The following GDPD5 variants were observed in gnomAD, a reference collection of about 807,000 sequenced individuals.
The protein encoded by GDPD5 is glycerophosphodiester phosphodiesterase 2.
A neutral mutation model predicts 75.1 loss-of-function variants in GDPD5; 48 were observed. The observed-to-expected ratio is 0.64, with a 90% CI of 0.51 to 0.81. The LOEUF is 0.81. Among genes scored for constraint, GDPD5 ranks in the 40% least tolerant of loss-of-function variants. The pLI is 0.00. For synonymous variants in GDPD5, 336 were observed against 339.0 expected (o/e 0.99, Z 0.10); for missense variants, 706 against 822.6 (o/e 0.86, Z 1.73).
Position 75,435,646 on chromosome 11 carries a change from T to C in GDPD5, c.1679A>G (p.Asp560Gly). The change falls in exon 17 of 17, where the codon GAT becomes GGT. Residue 560 changes from aspartate to glycine, a missense_variant. Asp to Gly is a moderately conservative substitution (Grantham distance 94). Transcript: ENST00000336898. ...KEKLIFSEIS[D>G]GVEVSDVLSV... ...GAGCACATCGGAGACCTCTACACCA[T>C]CGCTGATCTCTGCTGGGCCAGAGGG... 1.2e-6 allele frequency: 2 copies of C among 1,606,748 alleles called. No individual in the cohort carries two copies. The highest frequency in any genetic ancestry group is 1.1e-5 in the South Asian group (1 of 89,992).
At chr11:75,493,075 A>G (rs1341889170) in intron 1 of GDPD5, among the ~76,000 whole-genome samples, 1 of 152,184 alleles carries the variant, frequency 6.6e-6, no homozygotes, top group African/African-American at 2.4e-5. Flanking sequence ...GAGTGAAACG[A>G]ACGAGTAAAT....
chr11:75,499,699 C>T (rs1193331601), intron 1 of GDPD5, among the ~76,000 whole-genome samples: 1 of 151,936 alleles, frequency 6.6e-6, no homozygotes, highest in Non-Finnish European at 1.5e-5. Context: ...TAGGCTAGAC[C>T]CAAAGGAAGA....
intron 4 of GDPD5, among the ~76,000 whole-genome samples, chr11:75,458,758 G>A (rs192045414): frequency 2.0e-5 from 3 of 152,182 alleles, no homozygotes; most frequent in Admixed American, 6.5e-5. Flanking sequence ...GAGGTGAGAT[G>A]CATGGTAACT....
rs1949316622 is a variant in GDPD5, at chr11:75,457,761, A to C, written c.247T>G (p.Trp83Gly). The change falls in exon 5 of 17, where the codon TGG becomes GGG. Residue 83 changes from tryptophan to glycine, a missense_variant. Trp to Gly is a radical substitution (Grantham distance 184). Transcript: ENST00000336898. Reference protein sequence around the residue: ...NWYLYNRMGYWSDWPVPILVT... With the variant: ...NWYLYNRMGYGSDWPVPILVT... ...AGGATGGGTACGGGCCAGTCGCTCC[A>C]GTAGCCCATGCGGTTGTAGAGGTAC... The C allele has an allele frequency of 5.0e-6, 8 of 1,614,074 alleles. No homozygotes were observed. The East Asian group carries it at 1.8e-4, about 36-fold the overall frequency.
At chr11:75,449,186 A>AC in intron 8 of GDPD5, 64 bp from the exon 9 acceptor site, 1 of 1,511,932 alleles carries the variant, frequency 6.6e-7, no homozygotes, top group Non-Finnish European at 8.8e-7. Context: ...GCAATGCTGG[A>AC]CCCCTCTACC....
Position 75,443,196 on chromosome 11 carries a change from AGGCCTGCG to A in GDPD5, c.880_887del (p.Arg294CysfsTer5). 1 of 1,604,988 alleles carries A rather than the reference AGGCCTGCG, an allele frequency of 6.2e-7. No homozygotes were observed. The highest frequency in any genetic ancestry group is 8.5e-7 in the Non-Finnish European group (1 of 1,176,380). The stretch of plus-strand genomic sequence containing the variant: ...GGGTGGTCCAGTTAAGCATGGAGGC[AGGCCTGCG>A]GGCCAGCTCCGGGAACTCCTCCTCC... On this transcript the variant is annotated frameshift_variant, in exon 11 of 17. Coordinates refer to ENST00000336898, the MANE Select transcript of GDPD5 (RefSeq NM_030792.8). LOFTEE classifies it high-confidence loss of function.
intron 15 of GDPD5, among the ~76,000 whole-genome samples, chr11:75,439,616 C>T (rs960431340): frequency 6.6e-6 from 1 of 152,182 alleles, no homozygotes; most frequent in Admixed American, 6.5e-5. Context: ...GCAGGCCAGC[C>T]CGGTGAGGAG....
chr11:75,498,329 TC>T (rs1385620491), intron 1 of GDPD5, among the ~76,000 whole-genome samples: 2 of 152,106 alleles, frequency 1.3e-5, no homozygotes, highest in African/African-American at 2.4e-5. Flanking sequence ...CAACGCAAGT[TC>T]CCCCAAGTGA....
chr11:75,498,257 T>C (rs1035753860), intron 1 of GDPD5, among the ~76,000 whole-genome samples: 1 of 152,216 alleles, frequency 6.6e-6, no homozygotes, highest in Non-Finnish European at 1.5e-5. Flanking sequence ...GTCAGAGTCT[T>C]AGGATTTAGT....
chr11:75,457,770 T>C lies in GDPD5; in HGVS notation c.238A>G (p.Met80Val), dbSNP rs1949316866. ...DEFNWYLYNR[M>V]GYWSDWPVPI... Reference sequence around the variant, plus strand: ...ACGGGCCAGTCGCTCCAGTAGCCCATGCGGTTGTAGAGGTACCTGCCAGGA... The same window carrying C: ...ACGGGCCAGTCGCTCCAGTAGCCCACGCGGTTGTAGAGGTACCTGCCAGGA... Residue 80 changes from methionine to valine, a missense_variant, in exon 5 of 17, where the codon ATG becomes GTG. Met to Val is a conservative substitution (Grantham distance 21). Transcript: ENST00000336898. 1 of 1,613,980 alleles carries C rather than the reference T, an allele frequency of 6.2e-7. No individual in the cohort carries two copies. Among genetic ancestry groups the C allele is most frequent in the Non-Finnish European group, 8.5e-7 (1 of 1,179,920 alleles).
At chr11:75,493,229 TCACACACACA>T (rs71036055) in intron 1 of GDPD5, among the ~76,000 whole-genome samples, 4 of 140,902 alleles carry the variant, frequency 2.8e-5, no homozygotes, top group Admixed American at 7.1e-5. Flanking sequence ...CCCACACATC[TCACACACACA>T]CACACACACA....
At chr11:75,468,287 C>T (rs1006119425) in intron 3 of GDPD5, among the ~76,000 whole-genome samples, 1 of 152,228 alleles carries the variant, frequency 6.6e-6, no homozygotes, top group African/African-American at 2.4e-5. Flanking sequence ...AATCGCAGAG[C>T]TCCCCTGCCT....
At chr11:75,435,935 T>C (rs1226884541) in intron 16 of GDPD5, among the ~76,000 whole-genome samples, 1 of 152,194 alleles carries the variant, frequency 6.6e-6, no homozygotes, top group Non-Finnish European at 1.5e-5. Context: ...CTCAGGGCCT[T>C]TGCATGTGTC....
In GDPD5 at chr11:75,442,354, G is replaced by C; in HGVS notation, c.1167+9C>G. On this transcript the variant is annotated intron_variant, in intron 12 of 16. Transcript: ENST00000336898. ...CTCCCGGGGGCAGAGCTGCGTTGCA[G>C]GGCCTCACCTGGTGCTGGGGGAAGC... 1.3e-6 allele frequency: 2 copies of C among 1,544,094 alleles called. No individual in the cohort carries two copies. The highest frequency in any genetic ancestry group is 1.7e-6 in the Non-Finnish European group (2 of 1,143,062).
chr11:75,486,363 C>A (rs111943531), intron 2 of GDPD5, among the ~76,000 whole-genome samples: 5 of 152,314 alleles, frequency 3.3e-5, no homozygotes, highest in African/African-American at 1.2e-4. Context: ...AGGTTAGGCA[C>A]CTGGTCGTCC....
intron 9 of GDPD5, among the ~76,000 whole-genome samples, chr11:75,447,294 G>A (rs1409962631): frequency 6.6e-6 from 1 of 152,120 alleles, no homozygotes; most frequent in Non-Finnish European, 1.5e-5. Context: ...AGATATTTTC[G>A]AGACAATAAA....
chr11:75,488,535 AC>A (rs1565209201), intron 2 of GDPD5, among the ~76,000 whole-genome samples: 2 of 151,686 alleles, frequency 1.3e-5, no homozygotes, highest in Non-Finnish European at 2.9e-5. Flanking sequence ...GTCCTCTCCT[AC>A]CCCTCCTTGT....
chr11:75,505,527 C>T (rs1216916994), intron 1 of GDPD5, among the ~76,000 whole-genome samples: 1 of 152,162 alleles, frequency 6.6e-6, no homozygotes, highest in Admixed American at 6.5e-5. Context: ...GAATGACCTG[C>T]AATTCCTAGG....
At chr11:75,461,688 A>G (rs1206691886) in intron 4 of GDPD5, among the ~76,000 whole-genome samples, 1 of 152,226 alleles carries the variant, frequency 6.6e-6, no homozygotes, top group Non-Finnish European at 1.5e-5. Flanking sequence ...GAAAGACCTG[A>G]TGAGGTCAGA....
Sources: allele counts gnomAD v4.1 joint callset (sites outside exome capture counted in the v4.1 genomes callset), GRCh38; gene constraint gnomAD v4.1.1; transcripts MANE v1.5; gene names NCBI Gene and HGNC (gene_info 2026-07-23, HGNC 2026-07-21).